Variants in PDE11A observed in about 807,000 individuals in gnomAD.
PDE11A encodes the protein phosphodiesterase 11A.
In PDE11A, 100 loss-of-function variants were observed where a neutral mutation model predicts 100.5. The ratio of observed to expected loss-of-function variants is 1.00; its 90% CI spans 0.85 to 1.18. The LOEUF is 1.18. PDE11A is among the 50% of genes most tolerant of loss of function. The pLI is 0.00. For synonymous variants in PDE11A, 381 were observed against 420.8 expected (o/e 0.91, Z 1.16); for missense variants, 1,141 against 1,152.6 (o/e 0.99, Z 0.15).
intron 19 of PDE11A, 55 bp downstream of exon 19, chr2:177,663,811 C>T: frequency 1.0e-6 from 1 of 988,706 alleles, no homozygotes. Flanking sequence ...GAGAAATACA[C>T]ACTTTTCCTT....
chr2:177,804,909 A>G (rs1047697827), intron 9 of PDE11A, among the ~76,000 whole-genome samples: 4 of 151,902 alleles, frequency 2.6e-5, no homozygotes, highest in Non-Finnish European at 5.9e-5. Context: ...GAGTAGATTA[A>G]TAGACATGGA....
chr2:177,743,537 G>A (rs1309259615), intron 10 of PDE11A, among the ~76,000 whole-genome samples: 2 of 152,204 alleles, frequency 1.3e-5, no homozygotes, highest in African/African-American at 4.8e-5. Flanking sequence ...GGGTAGAGAT[G>A]TCAGGAAAAT....
intron 15 of PDE11A, among the ~76,000 whole-genome samples, chr2:177,695,844 T>G (rs1327678947): frequency 1.3e-5 from 2 of 152,184 alleles, no homozygotes; most frequent in African/African-American, 4.8e-5. Context: ...TTCTAACTGA[T>G]GCAATGCCAC....
At chr2:177,919,020 A>G (rs905058741) in intron 2 of PDE11A, among the ~76,000 whole-genome samples, 3 of 152,178 alleles carry the variant, frequency 2.0e-5, no homozygotes, top group Non-Finnish European at 4.4e-5. Context: ...GATAAAAATA[A>G]TGCAAAAATC....
chr2:177,819,868 T>TTCTCTCTCTCTCTCTCTCTCTCTCTC (rs34374310), intron 7 of PDE11A, among the ~76,000 whole-genome samples: 2 of 139,094 alleles, frequency 1.4e-5, no homozygotes, highest in African/African-American at 2.8e-5. Context: ...CTTTCTCTCT[T>TTCTCTCTCTCTCTCTCTCTCTCTCTC]TCTCTCTCTC....
At chr2:177,815,489 T>A (rs552077426) in intron 9 of PDE11A, among the ~76,000 whole-genome samples, 1 of 152,288 alleles carries the variant, frequency 6.6e-6, no homozygotes, top group South Asian at 2.1e-4. Context: ...AGATATTACA[T>A]ATAAACGAAG....
intron 19 of PDE11A, among the ~76,000 whole-genome samples, chr2:177,658,349 C>A (rs2080421267): frequency 6.6e-6 from 1 of 152,128 alleles, no homozygotes; most frequent in South Asian, 2.1e-4. Flanking sequence ...CCCTACTCCC[C>A]ATCACCAGGA....
chr2:177,877,710 G>T (rs79721908), intron 4 of PDE11A, among the ~76,000 whole-genome samples: 1 of 152,216 alleles, frequency 6.6e-6, no homozygotes, highest in South Asian at 2.1e-4. Context: ...CAGTTCCAAG[G>T]CCTTTTAATT....
At chr2:177,924,713 C>T (rs951608849) in intron 2 of PDE11A, among the ~76,000 whole-genome samples, 4 of 151,178 alleles carry the variant, frequency 2.6e-5, no homozygotes, top group Non-Finnish European at 5.9e-5. Context: ...CACATTCTGC[C>T]GGCTGTTAAG....
At chr2:177,897,992 T>A in intron 4 of PDE11A, 66 bp downstream of exon 4, 2 of 1,321,710 alleles carry the variant, frequency 1.5e-6, no homozygotes, top group East Asian at 4.6e-5. Context: ...CAAGTTTAAT[T>A]ATAAATAAAC....
At chr2:177,790,773 G>A (rs376178920) in intron 9 of PDE11A, among the ~76,000 whole-genome samples, 2 of 152,258 alleles carry the variant, frequency 1.3e-5, no homozygotes, top group Middle Eastern at 3.4e-3. Flanking sequence ...GCAGCCAAAA[G>A]ACGCATGAAA....
chr2:177,787,416 A>G (rs1322395658), intron 9 of PDE11A, among the ~76,000 whole-genome samples: 1 of 151,774 alleles, frequency 6.6e-6, no homozygotes, highest in Non-Finnish European at 1.5e-5. Context: ...AACAACTGGT[A>G]CCAGCCGCTG....
At position 177,943,608 on chromosome 2, in the gene PDE11A, C is replaced by G. The variant is rs114618289; in HGVS notation, c.1072-38421G>C. On this transcript the variant is annotated intron_variant, in intron 2 of 19. Transcript: ENST00000286063. ...TTGTTATTGTTGGGTTTTGCAAATTCTTTATATAGTCTGGATATTAACTCC... is the reference window on the plus strand; with the variant it reads ...TTGTTATTGTTGGGTTTTGCAAATTGTTTATATAGTCTGGATATTAACTCC... Among the ~76,000 whole-genome samples, 343 of 152,210 alleles carry G rather than the reference C, an allele frequency of 2.3e-3. 3 individuals carry two copies. Among genetic ancestry groups the G allele is most frequent in the African/African-American group, 8.0e-3 (331 of 41,522 alleles).
At chr2:177,933,062 C>G (rs1438263063) in intron 2 of PDE11A, among the ~76,000 whole-genome samples, 2 of 106,644 alleles carry the variant, frequency 1.9e-5, no homozygotes, top group African/African-American at 9.8e-5. Context: ...ATCCCATTTA[C>G]AATAGCCACA....
rs765071849 is a variant in PDE11A, at chr2:177,840,335, A to G, written c.1416T>C (p.Asn472=). 1.9e-5 allele frequency: 30 copies of G among 1,613,466 alleles called. No homozygotes were observed. Among genetic ancestry groups the G allele is most frequent in the Non-Finnish European group, 2.4e-5 (28 of 1,179,360 alleles). Residue 472 remains asparagine, a synonymous_variant, in exon 6 of 20, where the codon AAT becomes AAC. Transcript: ENST00000286063. The part of the protein sequence containing the change: ...EKSSYSDWLI[N]NSIAELVAST... ...AAGCAACCAGCTCAGCAATGCTGTTATTTATTAGCCAGTCGGAGTATGATG... is the reference window on the plus strand; with the variant it reads ...AAGCAACCAGCTCAGCAATGCTGTTGTTTATTAGCCAGTCGGAGTATGATG...
chr2:177,805,138 C>T (rs977199018), intron 9 of PDE11A, among the ~76,000 whole-genome samples: 2 of 151,398 alleles, frequency 1.3e-5, no homozygotes, highest in African/African-American at 4.8e-5. Flanking sequence ...ATGCCTAAAA[C>T]AAAATGACCC....
intron 3 of PDE11A, among the ~76,000 whole-genome samples, chr2:177,898,461 C>T (rs977656377): frequency 2.6e-5 from 4 of 152,142 alleles, no homozygotes; most frequent in Non-Finnish European, 2.9e-5. Context: ...GCTATTGGAA[C>T]TCTAGATTAT....
chr2:178,031,727 T>C (rs547035609), intron 1 of PDE11A, among the ~76,000 whole-genome samples: 2 of 152,234 alleles, frequency 1.3e-5, no homozygotes, highest in Non-Finnish European at 2.9e-5. Flanking sequence ...ACATCAGTAA[T>C]TCCCCCTAAA....
At chr2:177,913,218 C>T (rs1386826617) in intron 2 of PDE11A, among the ~76,000 whole-genome samples, 1 of 152,098 alleles carries the variant, frequency 6.6e-6, no homozygotes, top group Non-Finnish European at 1.5e-5. Context: ...TAGGTTGCTT[C>T]CAATTTTAGA....
Sources: gnomAD v4.1 joint callset for allele counts (sites outside exome capture counted in the v4.1 genomes callset) on GRCh38, gnomAD v4.1.1 for gene constraint, MANE v1.5 for transcripts, NCBI Gene and HGNC (gene_info 2026-07-23, HGNC 2026-07-21) for gene names.